SASH1: variants seen among roughly 807,000 people sequenced by gnomAD.
SASH1 encodes the protein SAM and SH3 domain-containing protein 1.
In SASH1, 44 loss-of-function variants were observed where a neutral mutation model predicts 125.2. The ratio of observed to expected loss-of-function variants is 0.35; its 90% CI spans 0.28 to 0.45. The LOEUF (loss-of-function observed/expected upper bound fraction) is 0.45, where lower values mean the gene tolerates loss of function less well. Among genes scored for constraint, SASH1 ranks in the 20% least tolerant of loss-of-function variants. The pLI, the probability that SASH1 is intolerant of heterozygous loss-of-function variation, is 1.00. For synonymous variants in SASH1, 639 were observed against 649.1 expected (o/e 0.98, Z 0.24); for missense variants, 1,426 against 1,614.5 (o/e 0.88, Z 2.00).
chr6:148,513,991 C>T, intron 8 of SASH1: 1 of 1,011,058 alleles, frequency 9.9e-7, no homozygotes, highest in South Asian at 4.5e-5. Context: ...ACTGGAATTA[C>T]AGGGCCAGCA....
the SASH1 span, among the ~76,000 whole-genome samples, chr6:148,216,247 A>G: frequency 8.5e-5 from 13 of 152,200 alleles, no homozygotes; most frequent in Non-Finnish European, 1.5e-4. Context: ...AATTTATAGT[A>G]TTACTTTTCC....
intron 1 of SASH1, among the ~76,000 whole-genome samples, chr6:148,355,811 C>A (rs1488957277): frequency 2.0e-5 from 3 of 152,166 alleles, no homozygotes; most frequent in Non-Finnish European, 4.4e-5. Context: ...TGATTTCTTG[C>A]ACTTCATATG....
At chr6:148,471,571 AATCTCAGT>A in intron 6 of SASH1, 68 bp downstream of exon 6, 2 of 917,016 alleles carry the variant, frequency 2.2e-6, no homozygotes, top group Non-Finnish European at 3.5e-6. Context: ...CTATGCGGCT[AATCTCAGT>A]GGATGCTATA....
intron 1 of SASH1, among the ~76,000 whole-genome samples, chr6:148,326,333 T>TATATATATATATATATATGC (rs1780803180): frequency 1.5e-5 from 1 of 65,628 alleles, no homozygotes; most frequent in African/African-American, 6.5e-5. Flanking sequence ...CATATATATA[T>TATATATATATATATATATGC]ATATATATAT....
chr6:148,209,175 T>G, the SASH1 span, among the ~76,000 whole-genome samples: 1 of 152,238 alleles, frequency 6.6e-6, no homozygotes, highest in African/African-American at 2.4e-5. Flanking sequence ...TGAATTTTGA[T>G]TCAGTGTGAA....
chr6:148,549,802 G>C lies in SASH1; in HGVS notation c.*1244G>C. 2.6e-6 allele frequency: 1 copy of C among 377,848 alleles called. No homozygotes were observed. The allele number at this position is 377,848 out of a possible 1,614,324, so 23.4% of individuals were successfully genotyped here. On this transcript the variant is annotated 3_prime_UTR_variant, in exon 20 of 20. Transcript: ENST00000367467. The stretch of plus-strand genomic sequence containing the variant: ...TTAAATTGTTTTACAACTGATTTCA[G>C]CACATTCTATCCTTTTTTTTTTTTG...
intron 7 of SASH1, among the ~76,000 whole-genome samples, chr6:148,484,265 T>C (rs1168505114): frequency 6.6e-6 from 1 of 152,196 alleles, no homozygotes; most frequent in Non-Finnish European, 1.5e-5. Flanking sequence ...AAAAAAATCA[T>C]GTCATGGACT....
At chr6:148,241,635 G>C in the SASH1 span, among the ~76,000 whole-genome samples, 135 of 152,298 alleles carry the variant, frequency 8.9e-4, 1 homozygote, top group Non-Finnish European at 1.0e-3. Flanking sequence ...CAGAAATGAA[G>C]CGAGCTGCAA....
At chr6:148,407,107 C>T (rs57441503) in intron 2 of SASH1, among the ~76,000 whole-genome samples, 23,147 of 152,116 alleles carry the variant, frequency 0.15, 1,947 homozygotes, top group South Asian at 0.28. Context: ...AATTTACCAT[C>T]CTAACTGATT....
chr6:148,352,335 C>T (rs750370880), intron 1 of SASH1, among the ~76,000 whole-genome samples: 4 of 152,286 alleles, frequency 2.6e-5, no homozygotes, highest in Admixed American at 1.3e-4. Flanking sequence ...TGGTGGCTCA[C>T]GCCTGTAATC....
intron 6 of SASH1, 110 bp downstream of exon 6, chr6:148,471,613 GC>G: frequency 3.0e-6 from 2 of 677,574 alleles, no homozygotes; most frequent in Non-Finnish European, 5.2e-6. Context: ...CACCGCATGT[GC>G]CCATAAGATG....
chr6:148,198,732 T>C, the SASH1 span, among the ~76,000 whole-genome samples: 1 of 152,248 alleles, frequency 6.6e-6, no homozygotes, highest in African/African-American at 2.4e-5. Context: ...CTGTTTGACC[T>C]ACATATGGTT....
the SASH1 span, among the ~76,000 whole-genome samples, chr6:148,225,002 G>A: frequency 2.0e-5 from 3 of 152,154 alleles, no homozygotes; most frequent in Non-Finnish European, 4.4e-5. Context: ...AAGGACCGCT[G>A]GGATGGTTAG....
rs143343806 is a variant in SASH1, at chr6:148,398,326, G to A, written c.285+8064G>A. Among the ~76,000 whole-genome samples the A allele has an allele frequency of 4.0e-3, 608 of 152,314 alleles. 6 individuals are homozygous for A. The highest frequency in any genetic ancestry group is 0.014 in the African/African-American group (588 of 41,568). ...GTTCTTGCTTTGCCTGTGGCTTCAC[G>A]CAGACATGCGCACATAGTCCAGTCT... On this transcript the variant is annotated intron_variant, in intron 2 of 19. Coordinates refer to ENST00000367467, the MANE Select transcript of SASH1 (RefSeq NM_015278.5).
intron 8 of SASH1, among the ~76,000 whole-genome samples, chr6:148,505,137 T>C (rs1256112383): frequency 6.6e-6 from 1 of 152,188 alleles, no homozygotes; most frequent in Non-Finnish European, 1.5e-5. Flanking sequence ...TCTCACTGCC[T>C]ATCTTAGAAA....
At chr6:148,447,753 C>G (rs13219195) in intron 4 of SASH1, among the ~76,000 whole-genome samples, 1 of 151,738 alleles carries the variant, frequency 6.6e-6, no homozygotes, top group Non-Finnish European at 1.5e-5. Flanking sequence ...CCTCCTCCTC[C>G]TCGTCCTCCT....
intron 10 of SASH1, among the ~76,000 whole-genome samples, chr6:148,523,943 TAATG>T (rs1402044020): frequency 6.6e-6 from 1 of 151,904 alleles, no homozygotes; most frequent in African/African-American, 2.4e-5. Flanking sequence ...ATTATTTTAA[TAATG>T]AAGAATCTAA....
intron 1 of SASH1, among the ~76,000 whole-genome samples, chr6:148,297,707 G>A (rs1779801919): frequency 6.6e-6 from 1 of 152,084 alleles, no homozygotes; most frequent in South Asian, 2.1e-4. Flanking sequence ...GCGTGCACCT[G>A]TAGTCTCAGC....
intron 1 of SASH1, among the ~76,000 whole-genome samples, chr6:148,349,314 T>C (rs1781636407): frequency 7.2e-6 from 1 of 139,318 alleles, no homozygotes; most frequent in African/African-American, 2.8e-5. Flanking sequence ...CAGGCTGGAG[T>C]TACAGTGGCG....
Sources: allele counts gnomAD v4.1 joint callset (sites outside exome capture counted in the v4.1 genomes callset), GRCh38; gene constraint gnomAD v4.1.1; transcripts MANE v1.5; gene names NCBI Gene and HGNC (gene_info 2026-07-23, HGNC 2026-07-21).